GDA: variants seen among roughly 807,000 people sequenced by gnomAD.
GDA encodes the protein cytoplasmic PSD-95 interactor.
Under a neutral mutation model 59.6 loss-of-function variants are expected in GDA, and 18 were observed. The ratio of observed to expected loss-of-function variants is 0.30; its 90% confidence interval spans 0.21 to 0.45. The LOEUF is 0.45. GDA is among the 20% of genes least tolerant of loss of function. The pLI is 1.00. For synonymous variants in GDA, 201 were observed against 201.1 expected (o/e 1.00, Z 0.00); for missense variants, 427 against 552.3 (o/e 0.77, Z 2.27).
intron 10 of GDA, among the ~76,000 whole-genome samples, chr9:72,237,878 C>T (rs547148185): frequency 7.2e-5 from 11 of 152,244 alleles, no homozygotes; most frequent in African/African-American, 2.4e-4. Context: ...CCTTTCCCCT[C>T]ATTGGTCACT....
intron 1 of GDA, among the ~76,000 whole-genome samples, chr9:72,137,665 T>C (rs1479184486): frequency 6.6e-6 from 1 of 152,162 alleles, no homozygotes; most frequent in Non-Finnish European, 1.5e-5. Flanking sequence ...AGGTTTTCAA[T>C]CTCAGCACTA....
chr9:72,158,661 G>A (rs539907829), intron 1 of GDA, among the ~76,000 whole-genome samples: 11 of 151,986 alleles, frequency 7.2e-5, no homozygotes, highest in Admixed American at 5.2e-4. Flanking sequence ...ATAGTGTGTT[G>A]TTATTATTTT....
chr9:72,144,201 A>T (rs11143132), intron 1 of GDA, among the ~76,000 whole-genome samples: 1 of 152,252 alleles, frequency 6.6e-6, no homozygotes, highest in Non-Finnish European at 1.5e-5. Context: ...CAGCCTGGGC[A>T]ACAGAGTGAG....
Position 72,206,602 on chromosome 9 carries a change from G to A in GDA, c.384+3860G>A, listed in dbSNP as rs146353998. On this transcript the variant is annotated intron_variant, in intron 3 of 13. Coordinates refer to ENST00000358399, the MANE Select transcript of GDA (RefSeq NM_004293.5). The stretch of plus-strand genomic sequence containing the variant: ...AGCCTGGCCAACATGGTGAGACCCC[G>A]CCTCTACTAAAAATACAAAAATTAG... Among the ~76,000 whole-genome samples, 1,394 of 151,914 alleles carry A rather than the reference G, an allele frequency of 9.2e-3. 16 individuals carry two copies. The highest frequency in any genetic ancestry group is 0.032 in the African/African-American group (1,334 of 41,418).
Position 72,248,888 on chromosome 9 carries a change from G to A in GDA, c.*546G>A, listed in dbSNP as rs953685906. 1 of 985,810 alleles carries A rather than the reference G, an allele frequency of 1.0e-6. No individual in the cohort carries two copies. Among genetic ancestry groups the A allele is most frequent in the Non-Finnish European group, 1.2e-6 (1 of 829,838 alleles). The allele number at this position is 985,810 out of a possible 1,614,324, so 61.1% of individuals were successfully genotyped here. On this transcript the variant is annotated 3_prime_UTR_variant, in exon 14 of 14. Transcript: ENST00000358399. The stretch of plus-strand genomic sequence containing the variant: ...TGTTGAAATTTAAAACGTGTTTCTA[G>A]GTTGACCTTGTGTTTTAGAAATTTG...
chr9:72,165,189 G>A (rs143126311), intron 1 of GDA, among the ~76,000 whole-genome samples: 1 of 152,230 alleles, frequency 6.6e-6, no homozygotes, highest in African/African-American at 2.4e-5. Context: ...TTCCAAGGAC[G>A]TTTCAAAAGT....
intron 6 of GDA, among the ~76,000 whole-genome samples, chr9:72,222,076 G>A (rs116009084): frequency 0.025 from 3,862 of 152,264 alleles, 168 homozygotes; most frequent in African/African-American, 0.087. Context: ...TATATACCCT[G>A]TAATGGGATT....
intron 1 of GDA, among the ~76,000 whole-genome samples, chr9:72,137,793 C>G (rs1043918745): frequency 2.0e-5 from 3 of 151,648 alleles, no homozygotes; most frequent in Non-Finnish European, 2.9e-5. Flanking sequence ...TCAACTGTTA[C>G]AACCAAAATT....
At chr9:72,141,542 T>C (rs573797792) in intron 1 of GDA, among the ~76,000 whole-genome samples, 10 of 152,262 alleles carry the variant, frequency 6.6e-5, no homozygotes, top group East Asian at 1.9e-4. Context: ...TACACCTATC[T>C]AAAGAGGCAC....
intron 10 of GDA, among the ~76,000 whole-genome samples, 183 bp from the exon 11 acceptor site, chr9:72,240,969 C>A (rs4287006): frequency 0.17 from 26,298 of 152,184 alleles, 2,579 homozygotes; most frequent in Middle Eastern, 0.29. Flanking sequence ...ATGCATTTGA[C>A]ACTAATTACA....
intron 1 of GDA, among the ~76,000 whole-genome samples, chr9:72,133,061 T>C (rs4744661): frequency 0.74 from 112,232 of 151,496 alleles, 41,913 homozygotes; most frequent in Middle Eastern, 0.8. Context: ...GAGGCCGAGG[T>C]GGGTGGATCA....
intron 10 of GDA, among the ~76,000 whole-genome samples, chr9:72,237,141 CA>C (rs1839100626): frequency 6.6e-6 from 1 of 152,132 alleles, no homozygotes; most frequent in Non-Finnish European, 1.5e-5. Flanking sequence ...TGCCTCCCTT[CA>C]TGGCAAAGCT....
At chr9:72,234,062 G>T (rs921476094) in intron 10 of GDA, among the ~76,000 whole-genome samples, 9 of 152,108 alleles carry the variant, frequency 5.9e-5, no homozygotes, top group African/African-American at 2.2e-4. Context: ...GCAAGTTGAG[G>T]TATATTCATA....
intron 2 of GDA, among the ~76,000 whole-genome samples, chr9:72,196,484 T>TA (rs751315876): frequency 0.015 from 2,022 of 131,326 alleles, 42 homozygotes; most frequent in African/African-American, 0.044. Context: ...AAGACTCTGT[T>TA]AAAAAAAAAA....
chr9:72,125,569 T>C (rs1255267124), intron 1 of GDA, among the ~76,000 whole-genome samples: 2 of 152,186 alleles, frequency 1.3e-5, no homozygotes, highest in African/African-American at 2.4e-5. Context: ...TAAAATCATG[T>C]ACTTAGAATT....
intron 1 of GDA, among the ~76,000 whole-genome samples, chr9:72,159,296 AG>A (rs1270002291): frequency 1.3e-5 from 2 of 152,200 alleles, no homozygotes; most frequent in African/African-American, 2.4e-5. Context: ...CAGGAGGCTG[AG>A]GGGGAAGAAC....
chr9:72,121,943 T>C (rs1825677265), intron 1 of GDA, among the ~76,000 whole-genome samples: 1 of 152,204 alleles, frequency 6.6e-6, no homozygotes, highest in Non-Finnish European at 1.5e-5. Flanking sequence ...TGGACTTTCA[T>C]GAAATACCAC....
intron 3 of GDA, among the ~76,000 whole-genome samples, chr9:72,210,225 G>A (rs1835187022): frequency 6.6e-6 from 1 of 152,112 alleles, no homozygotes; most frequent in African/African-American, 2.4e-5. Context: ...CTTCTTGTGG[G>A]TTAATAACGT....
In GDA at chr9:72,250,300, T is replaced by C. The variant is rs1840559122; in HGVS notation, c.*1958T>C. 7.8e-6 allele frequency: 8 copies of C among 1,024,914 alleles called. No homozygotes were observed. Among genetic ancestry groups the C allele is most frequent in the Non-Finnish European group, 9.4e-6 (8 of 855,600 alleles). 63.5% of individuals were successfully genotyped at this position (1,024,914 alleles called of 1,614,324 possible). ...TGCAAGATCCTACACTTTTACCTTC[T>C]TTAAGGGTGTACATTTTGATGTTGA... On this transcript the variant is annotated 3_prime_UTR_variant, in exon 14 of 14. Coordinates refer to ENST00000358399, the MANE Select transcript of GDA (RefSeq NM_004293.5).
Sources: gnomAD v4.1 joint callset for allele counts (sites outside exome capture counted in the v4.1 genomes callset) on GRCh38, gnomAD v4.1.1 for gene constraint, MANE v1.5 for transcripts, NCBI Gene and HGNC (gene_info 2026-07-23, HGNC 2026-07-21) for gene names.